PHF20: variants seen among roughly 807,000 people sequenced by gnomAD.
PHF20 encodes the protein PHD finger protein 20, also known as glioma-expressed antigen 2.
PHF20 carries 23 observed loss-of-function variants against 113.5 expected under a neutral mutation model. The observed-to-expected ratio is 0.20, with a 90% CI of 0.15 to 0.29. The LOEUF is 0.29. Ranked by LOEUF, PHF20 falls within the 10% of genes least tolerant of loss-of-function variation. The pLI, the probability that PHF20 is intolerant of heterozygous loss-of-function variation, is 1.00. For synonymous variants in PHF20, 434 were observed against 457.3 expected (o/e 0.95, Z 0.65); for missense variants, 943 against 1,219.6 (o/e 0.77, Z 3.38).
Position 35,911,981 on chromosome 20 carries a change from C to CT in PHF20, c.1562-1254dup, listed in dbSNP as rs769872982. 3.4e-3 allele frequency among the ~76,000 whole-genome samples: 430 copies of CT among 128,256 alleles called. 2 individuals are homozygous for CT. Among genetic ancestry groups the CT allele is most frequent in the African/African-American group, 8.1e-3 (283 of 34,930 alleles). 84.1% of individuals were successfully genotyped at this position (128,256 alleles called of 152,430 possible). A position where few individuals can be genotyped will look rare whatever the true frequency, so the allele number is the denominator to read the frequency against. On this transcript the variant is annotated intron_variant, in intron 10 of 17. Coordinates refer to ENST00000374012, the MANE Select transcript of PHF20 (RefSeq NM_016436.5). The stretch of plus-strand genomic sequence containing the variant: ...GCTACGACTGAATTTTTCTTTCTTT[C>CT]TTTTTTTTTTTTTTCTTTGAGATGG...
Position 35,947,871 on chromosome 20 carries a change from A to C in PHF20, c.*244A>C. ...CTTGGGATTCCCCTCTTCTGTGCACATCGTTGAATGAAGAGAGTCTTTTTG... is the reference window on the plus strand; with the variant it reads ...CTTGGGATTCCCCTCTTCTGTGCACCTCGTTGAATGAAGAGAGTCTTTTTG... On this transcript the variant is annotated 3_prime_UTR_variant, in exon 18 of 18. Coordinates refer to ENST00000374012, the MANE Select transcript of PHF20 (RefSeq NM_016436.5). 2.5e-6 allele frequency: 1 copy of C among 404,720 alleles called. No individual in the cohort carries two copies. The highest frequency in any genetic ancestry group is 4.5e-6 in the Non-Finnish European group (1 of 222,966). 25.1% of individuals were successfully genotyped at this position (404,720 alleles called of 1,614,324 possible). A position where few individuals can be genotyped will look rare whatever the true frequency, so the allele number is the denominator to read the frequency against.
intron 3 of PHF20, among the ~76,000 whole-genome samples, chr20:35,843,630 G>A (rs549641688): frequency 2.3e-4 from 35 of 151,608 alleles, no homozygotes; most frequent in Middle Eastern, 3.4e-3. Context: ...TTGCCCAGAC[G>A]GGAATGCAGT....
intron 2 of PHF20, among the ~76,000 whole-genome samples, chr20:35,824,163 C>T (rs2042222588): frequency 6.6e-6 from 1 of 152,092 alleles, no homozygotes; most frequent in South Asian, 2.1e-4. Context: ...AGTCTCTGTA[C>T]CATTTTGCAT....
intron 9 of PHF20, among the ~76,000 whole-genome samples, chr20:35,879,799 A>G (rs1443503788): frequency 6.7e-6 from 1 of 149,872 alleles, no homozygotes; most frequent in Non-Finnish European, 1.5e-5. Flanking sequence ...AAAAAAAAAA[A>G]CCCTCCAAAA....
chr20:35,847,312 T>TGGTAACAG, intron 3 of PHF20, 38 bp from the exon 4 acceptor site: 1 of 1,384,134 alleles, frequency 7.2e-7, no homozygotes, highest in South Asian at 1.2e-5. Flanking sequence ...GAAATTAGGT[T>TGGTAACAG]GGTAACAGGA....
chr20:35,878,549 C>G, intron 9 of PHF20: 1 of 712,714 alleles, frequency 1.4e-6, no homozygotes, highest in Non-Finnish European at 2.6e-6. Context: ...ACCATTCGTA[C>G]TTGTTGGAAT....
chr20:35,909,623 T>C (rs1351207827), intron 10 of PHF20, among the ~76,000 whole-genome samples: 2 of 152,238 alleles, frequency 1.3e-5, no homozygotes, highest in African/African-American at 4.8e-5. Context: ...TGAGTGCTTT[T>C]ACAAATTGGT....
intron 1 of PHF20, among the ~76,000 whole-genome samples, chr20:35,777,532 T>C (rs561001974): frequency 1.3e-5 from 2 of 152,334 alleles, no homozygotes; most frequent in African/African-American, 4.8e-5. Context: ...TTACTCGTGG[T>C]TGGGTGGGTG....
intron 5 of PHF20, among the ~76,000 whole-genome samples, chr20:35,862,506 T>C (rs938105884): frequency 6.6e-5 from 10 of 152,164 alleles, no homozygotes; most frequent in Admixed American, 5.2e-4. Flanking sequence ...GGCAGGAGGA[T>C]TGCTTGAGCC....
chr20:35,863,327 T>A lies in PHF20; in HGVS notation c.735T>A (p.Ile245=). 6.2e-7 allele frequency: 1 copy of A among 1,613,696 alleles called. No individual in the cohort carries two copies. Residue 245 remains isoleucine, a synonymous_variant, in exon 6 of 18, where the codon ATT becomes ATA. Coordinates refer to ENST00000374012, the MANE Select transcript of PHF20 (RefSeq NM_016436.5). ...TGGATAAGAAACCTGAAAATGACAT[T>A]GTGAAGAGTCCACAAGAAAACTTGA... ...AQVDKKPEND[I]VKSPQENLRE... is the part of the protein sequence containing the mutation.
chr20:35,838,128 T>G (rs1299744423), intron 2 of PHF20, among the ~76,000 whole-genome samples: 2 of 152,204 alleles, frequency 1.3e-5, no homozygotes, highest in Non-Finnish European at 2.9e-5. Flanking sequence ...GTTGCTGGCC[T>G]AGGAGTTCAC....
At chr20:35,887,104 T>C (rs2054748390) in intron 9 of PHF20, among the ~76,000 whole-genome samples, 1 of 152,242 alleles carries the variant, frequency 6.6e-6, no homozygotes, top group African/African-American at 2.4e-5. Context: ...AGGATATTTA[T>C]TTCTAAGCCA....
At chr20:35,792,865 T>C (rs2041584654) in intron 1 of PHF20, among the ~76,000 whole-genome samples, 3 of 152,100 alleles carry the variant, frequency 2.0e-5, no homozygotes. Flanking sequence ...CCCTAGGAAA[T>C]TGGGGCTGTT....
chr20:35,855,928 C>T (rs1156956229), intron 4 of PHF20, among the ~76,000 whole-genome samples: 1 of 152,148 alleles, frequency 6.6e-6, no homozygotes, highest in African/African-American at 2.4e-5. Context: ...ATTCACCCGC[C>T]TCGGTCTCCC....
chr20:35,775,743 G>A, intron 1 of PHF20, among the ~76,000 whole-genome samples: 1 of 104,920 alleles, frequency 9.5e-6, no homozygotes, highest in Non-Finnish European at 1.7e-5. Flanking sequence ...CACAGAGTGA[G>A]ACTCTGTCTC....
intron 13 of PHF20, among the ~76,000 whole-genome samples, chr20:35,925,267 T>G (rs921500255): frequency 1.2e-4 from 18 of 151,630 alleles, no homozygotes; most frequent in African/African-American, 4.4e-4. Flanking sequence ...AGACTTTTTT[T>G]TTTTTTTTCT....
rs2041781504 is a variant in PHF20 at position 35,801,548 on chromosome 20, G to A, written c.26G>A (p.Arg9Gln). MTKHPPNR[R>Q]GISFEVGAQL... ...ATGACAAAGCATCCACCTAACAGAC[G>A]AGGAATCAGCTTTGAAGTGGGAGCC... The change falls in exon 2 of 18, where the codon CGA (arginine) becomes CAA (glutamine). Residue 9 changes from arginine (R) to glutamine (Q), a missense_variant. Arg to Gln is a conservative substitution (Grantham distance 43, BLOSUM62 1). Coordinates refer to ENST00000374012, the MANE Select transcript of PHF20 (RefSeq NM_016436.5). The A allele has an allele frequency of 6.2e-7, 1 of 1,613,736 alleles. No homozygotes were observed. Among genetic ancestry groups the A allele is most frequent in the Non-Finnish European group, 8.5e-7 (1 of 1,179,702 alleles).
At chr20:35,925,978 T>C (rs1414114971) in intron 13 of PHF20, among the ~76,000 whole-genome samples, 1 of 151,122 alleles carries the variant, frequency 6.6e-6, no homozygotes, top group African/African-American at 2.4e-5. Context: ...AAAAATTAGC[T>C]GGGCATGGTG....
intron 14 of PHF20, among the ~76,000 whole-genome samples, chr20:35,928,215 A>G (rs2055680663): frequency 6.6e-6 from 1 of 151,808 alleles, no homozygotes; most frequent in South Asian, 2.1e-4. Flanking sequence ...AAGGCGGGTG[A>G]ATCAACTGAG....
Sources: gnomAD v4.1 joint callset for allele counts (sites outside exome capture counted in the v4.1 genomes callset) on GRCh38, gnomAD v4.1.1 for gene constraint, MANE v1.5 for transcripts, NCBI Gene and HGNC (gene_info 2026-07-23, HGNC 2026-07-21) for gene names.